Variants in MYT1L observed in about 807,000 individuals in gnomAD.
The protein encoded by MYT1L is myelin transcription factor 1 like.
Under a neutral mutation model 126.7 loss-of-function variants are expected in MYT1L, and 12 were observed. The ratio of observed to expected loss-of-function variants is 0.09; its 90% CI spans 0.06 to 0.15. The LOEUF (loss-of-function observed/expected upper bound fraction) is 0.15. MYT1L is among the 10% of genes least tolerant of loss of function. The probability of loss-of-function intolerance (pLI) is 1.00; values close to 1 mark genes in which losing one functional copy is unlikely to be tolerated. For synonymous variants in MYT1L, 541 were observed against 604.2 expected (o/e 0.90, Z 1.53); for missense variants, 979 against 1,585.2 (o/e 0.62, Z 6.49).
intron 1 of MYT1L, among the ~76,000 whole-genome samples, chr2:2,318,514 A>G (rs1273053073): frequency 6.6e-6 from 1 of 152,168 alleles, no homozygotes; most frequent in Non-Finnish European, 1.5e-5. Flanking sequence ...TCTCTTAGGA[A>G]AAAGGATTGT....
intron 1 of MYT1L, among the ~76,000 whole-genome samples, chr2:2,303,076 AC>A (rs928950733): frequency 5.9e-5 from 9 of 152,294 alleles, no homozygotes; most frequent in Admixed American, 5.9e-4. Context: ...GGGAAAAAAA[AC>A]AACAAGAATA....
intron 1 of MYT1L, among the ~76,000 whole-genome samples, chr2:2,290,845 A>G (rs561090232): frequency 2.0e-5 from 3 of 152,318 alleles, no homozygotes; most frequent in South Asian, 2.1e-4. Context: ...GGCCAGGGCT[A>G]AGAAACACTG....
intron 3 of MYT1L, among the ~76,000 whole-genome samples, chr2:2,150,156 G>C (rs1358106787): frequency 6.6e-6 from 1 of 152,134 alleles, no homozygotes; most frequent in African/African-American, 2.4e-5. Context: ...AGGAAGCCGT[G>C]GTGCCTGGCA....
chr2:2,314,722 A>C (rs2096034939), intron 1 of MYT1L, among the ~76,000 whole-genome samples: 1 of 152,140 alleles, frequency 6.6e-6, no homozygotes, highest in Admixed American at 6.5e-5. Flanking sequence ...CCCTCAAGAC[A>C]ATCCTAAGCA....
Position 1,835,032 on chromosome 2 carries a change from G to GTACTCCTCCACATACCA in MYT1L, c.3080+4116_3080+4117insTGGTATGTGGAGGAGTA, listed in dbSNP as rs1213975006. Among the ~76,000 whole-genome samples, 1,221 of 122,232 alleles carry GTACTCCTCCACATACCA rather than the reference G, an allele frequency of 1.0e-2. 99 individuals carry two copies. Among genetic ancestry groups the GTACTCCTCCACATACCA allele is most frequent in the East Asian group, 0.013 (54 of 4,238 alleles). The allele number at this position is 122,232 out of a possible 152,430, so 80.2% of individuals were successfully genotyped here. On this transcript the variant is annotated intron_variant, in intron 21 of 24. Coordinates refer to ENST00000647738, the MANE Select transcript of MYT1L (RefSeq NM_001303052.2). ...CCACATACCACGGGGATGGATACAG[G>GTACTCCTCCACATACCA]TGCTCCTCCACATACCACGGGGATG...
chr2:2,077,546 G>C (rs2075355005), intron 3 of MYT1L, among the ~76,000 whole-genome samples: 1 of 152,138 alleles, frequency 6.6e-6, no homozygotes, highest in South Asian at 2.1e-4. Flanking sequence ...CAAATAATTT[G>C]AAAGTGAAAG....
intron 2 of MYT1L, among the ~76,000 whole-genome samples, chr2:2,205,965 ATTTCTTTTCT>A (rs200696838): frequency 3.3e-5 from 5 of 149,844 alleles, no homozygotes; most frequent in Non-Finnish European, 7.4e-5. Context: ...CTGTCCCATA[ATTTCTTTTCT>A]TTTCTTTTCT....
At position 2,124,903 on chromosome 2, in the gene MYT1L, G is replaced by T. The variant is rs114670246; in HGVS notation, c.-304+47969C>A. ...GTCGGTGCTGGCCTCTCCCAGCCAC[G>T]GTTTCACATCACATCATCCCGTATT... On this transcript the variant is annotated intron_variant, in intron 3 of 24. Coordinates refer to ENST00000647738, the MANE Select transcript of MYT1L (RefSeq NM_001303052.2). 6.2e-3 allele frequency among the ~76,000 whole-genome samples: 939 copies of T among 152,250 alleles called. 7 individuals carry two copies. The highest frequency in any genetic ancestry group is 0.022 in the African/African-American group (896 of 41,542).
intron 18 of MYT1L, among the ~76,000 whole-genome samples, chr2:1,863,175 C>G (rs771592937): frequency 2.0e-5 from 3 of 152,176 alleles, no homozygotes; most frequent in Non-Finnish European, 2.9e-5. Context: ...AGGCTCTCGA[C>G]TTTCTATTGG....
At chr2:1,981,585 G>A (rs2060613424) in intron 5 of MYT1L, among the ~76,000 whole-genome samples, 1 of 152,242 alleles carries the variant, frequency 6.6e-6, no homozygotes, top group Non-Finnish European at 1.5e-5. Flanking sequence ...ATCAGACGGT[G>A]CAGACGACGG....
In MYT1L at chr2:2,119,764, C is replaced by T. The variant is rs145591728; in HGVS notation, c.-304+53108G>A. On this transcript the variant is annotated intron_variant, in intron 3 of 24. Coordinates refer to ENST00000647738, the MANE Select transcript of MYT1L (RefSeq NM_001303052.2). ...GTTAGAAATACTCAAGTATACAAAA[C>T]TGTATGTATGCATTCTCTTTCTAAT... is the stretch of plus-strand genomic sequence containing the variant. Among the ~76,000 whole-genome samples, 496 of 152,284 alleles carry T rather than the reference C, an allele frequency of 3.3e-3. 4 individuals are homozygous for T. The highest frequency in any genetic ancestry group is 0.011 in the African/African-American group (454 of 41,552).
chr2:1,878,745 C>A (rs934584222), intron 18 of MYT1L, among the ~76,000 whole-genome samples: 5 of 152,168 alleles, frequency 3.3e-5, no homozygotes, highest in African/African-American at 1.2e-4. Context: ...AACCAAGTCA[C>A]ATTTTATTTT....
intron 2 of MYT1L, among the ~76,000 whole-genome samples, chr2:2,279,568 TGAAGGAAGGAAGGAAG>T (rs199817306): frequency 4.1e-5 from 6 of 144,970 alleles, no homozygotes; most frequent in Admixed American, 1.4e-4. Context: ...AATGAATGAA[TGAAGGAAGGAAGGAAG>T]GAAGGAAGGA....
At chr2:1,821,144 T>C (rs1286945825) in intron 21 of MYT1L, among the ~76,000 whole-genome samples, 1 of 152,204 alleles carries the variant, frequency 6.6e-6, no homozygotes, top group Non-Finnish European at 1.5e-5. Flanking sequence ...CATTTCATGA[T>C]TGCGTGGCTA....
intron 3 of MYT1L, among the ~76,000 whole-genome samples, chr2:2,129,113 A>C (rs999070409): frequency 6.6e-6 from 1 of 152,192 alleles, no homozygotes; most frequent in Non-Finnish European, 1.5e-5. Context: ...GTTCACTGAG[A>C]AGACAGACGC....
At chr2:2,213,055 A>G (rs944612147) in intron 2 of MYT1L, among the ~76,000 whole-genome samples, 1 of 152,180 alleles carries the variant, frequency 6.6e-6, no homozygotes, top group Non-Finnish European at 1.5e-5. Context: ...AAACAGAGGA[A>G]CTAACGAAAA....
intron 18 of MYT1L, among the ~76,000 whole-genome samples, chr2:1,875,933 T>C (rs1033659009): frequency 6.6e-6 from 1 of 152,172 alleles, no homozygotes; most frequent in African/African-American, 2.4e-5. Flanking sequence ...TCTGTTCATG[T>C]GTTACAGGAA....
At chr2:2,110,360 C>G (rs1419162298) in intron 3 of MYT1L, among the ~76,000 whole-genome samples, 1 of 152,132 alleles carries the variant, frequency 6.6e-6, no homozygotes, top group Non-Finnish European at 1.5e-5. Flanking sequence ...AAATCTAAAA[C>G]CACAGAAGAA....
At chr2:1,894,245 G>C (rs1404165550) in intron 14 of MYT1L, among the ~76,000 whole-genome samples, 1 of 152,178 alleles carries the variant, frequency 6.6e-6, no homozygotes, top group African/African-American at 2.4e-5. Context: ...CCCTCCTCTA[G>C]GGAGCCCAGC....
Sources: allele counts gnomAD v4.1 joint callset (sites outside exome capture counted in the v4.1 genomes callset), GRCh38; gene constraint gnomAD v4.1.1; transcripts MANE v1.5; gene names NCBI Gene and HGNC (gene_info 2026-07-23, HGNC 2026-07-21).